Variants in LMNTD1 observed in about 807,000 individuals in gnomAD.
LMNTD1 encodes lamin tail domain containing 1.
LMNTD1 carries 35 observed loss-of-function variants against 50.9 expected under a neutral mutation model. The ratio of observed to expected loss-of-function variants is 0.69; its 90% CI spans 0.53 to 0.91. The LOEUF (loss-of-function observed/expected upper bound fraction) is 0.91, where lower values mean the gene tolerates loss of function less well. Among genes scored for constraint, LMNTD1 ranks in the 40% least tolerant of loss-of-function variants. The pLI is 0.00. For missense variants in LMNTD1, 470 were observed against 475.5 expected (o/e 0.99, Z 0.11); for synonymous variants, 153 against 161.9 (o/e 0.94, Z 0.42).
At chr12:25,510,829 T>C (rs755055444) in intron 8 of LMNTD1, among the ~76,000 whole-genome samples, 9 of 152,214 alleles carry the variant, frequency 5.9e-5, no homozygotes, top group Non-Finnish European at 1.2e-4. Flanking sequence ...CTATGTGTCA[T>C]GTACTGAGTT....
At chr12:25,543,837 C>T (rs1943259325) in intron 4 of LMNTD1, among the ~76,000 whole-genome samples, 1 of 151,872 alleles carries the variant, frequency 6.6e-6, no homozygotes, top group South Asian at 2.1e-4. Flanking sequence ...TCAGTTTCCT[C>T]ACTGATCCAT....
chr12:25,622,325 C>A (rs1172244732), intron 1 of LMNTD1, among the ~76,000 whole-genome samples: 2 of 152,126 alleles, frequency 1.3e-5, no homozygotes, highest in South Asian at 2.1e-4. Flanking sequence ...GCTAACTTCA[C>A]CGTATGACTT....
chr12:25,500,172 A>C (rs1408544339), intron 9 of LMNTD1, among the ~76,000 whole-genome samples: 4 of 152,200 alleles, frequency 2.6e-5, no homozygotes, highest in African/African-American at 9.7e-5. Context: ...GATTGAAGGA[A>C]TATGCCACAA....
chr12:25,547,466 T>C (rs1451785204), intron 3 of LMNTD1: 1 of 151,808 alleles, frequency 6.6e-6, no homozygotes, highest in East Asian at 1.9e-4. Context: ...ATGATAGCTA[T>C]TATTACAGTA....
intron 2 of LMNTD1, among the ~76,000 whole-genome samples, chr12:25,551,536 C>T (rs1047955379): frequency 2.6e-5 from 4 of 152,100 alleles, no homozygotes; most frequent in East Asian, 1.9e-4. Flanking sequence ...ACTACAGGCA[C>T]ATGGCACTAT....
intron 1 of LMNTD1, among the ~76,000 whole-genome samples, chr12:25,624,313 CA>C (rs1946539276): frequency 6.6e-6 from 1 of 152,182 alleles, no homozygotes; most frequent in Admixed American, 6.5e-5. Flanking sequence ...ACAAAGCTAT[CA>C]AACTCTCCTG....
chr12:25,519,586 T>TTTAAAAAAAAAAAAA (rs781742784), intron 7 of LMNTD1, among the ~76,000 whole-genome samples: 7 of 74,952 alleles, frequency 9.3e-5, no homozygotes, highest in Admixed American at 4.6e-4. Flanking sequence ...AGACTCTGTC[T>TTTAAAAAAAAAAAAA]CAAAAAAAAA....
At chr12:25,555,862 A>G (rs1206080714), upstream of LMNTD1, among the ~76,000 whole-genome samples, 1 of 151,994 alleles carries the variant, frequency 6.6e-6, no homozygotes, top group Non-Finnish European at 1.5e-5. Context: ...GGATGCACAG[A>G]CTCAAATGTT....
intron 1 of LMNTD1, among the ~76,000 whole-genome samples, chr12:25,619,456 A>G (rs914532266): frequency 6.6e-6 from 1 of 152,156 alleles, no homozygotes; most frequent in Admixed American, 6.5e-5. Flanking sequence ...ATGCACCATA[A>G]ACAAACTTCA....
At chr12:25,612,324 ACACACG>A (rs1565518988) in intron 1 of LMNTD1, among the ~76,000 whole-genome samples, 2 of 113,050 alleles carry the variant, frequency 1.8e-5, no homozygotes, top group Non-Finnish European at 4.0e-5. Flanking sequence ...ACACACACAC[ACACACG>A]CGCTCCCACT....
At position 25,526,106 on chromosome 12, in the gene LMNTD1, T is replaced by C; in HGVS notation, c.791A>G (p.Asn264Ser). Residue 264 changes from asparagine to serine, a missense_variant, in exon 6 of 10, where the codon AAC (asparagine) becomes AGC (serine). Asn to Ser is a conservative substitution (Grantham distance 46, BLOSUM62 1). Coordinates refer to ENST00000458174, the MANE Select transcript of LMNTD1 (RefSeq NM_001145728.2). Reference protein sequence around the residue: ...PDCITILCKPNGQAIAWYTPI... With the variant: ...PDCITILCKPSGQAIAWYTPI... ...TAAGAACCAGAAACTAACTTGACCGTTCGGTTTGCACAGGATTGTTATACA... is the reference window on the plus strand; with the variant it reads ...TAAGAACCAGAAACTAACTTGACCGCTCGGTTTGCACAGGATTGTTATACA... The C allele has an allele frequency of 6.4e-7, 1 of 1,571,970 alleles. No homozygotes were observed. Among genetic ancestry groups the C allele is most frequent in the Non-Finnish European group, 8.6e-7 (1 of 1,162,604 alleles).
chr12:25,602,955 G>A (rs1390315684), intron 1 of LMNTD1, among the ~76,000 whole-genome samples: 1 of 151,966 alleles, frequency 6.6e-6, no homozygotes, highest in Non-Finnish European at 1.5e-5. Context: ...AACATCTGGA[G>A]TATTGCCAGC....
intron 1 of LMNTD1, among the ~76,000 whole-genome samples, chr12:25,586,486 C>T (rs4963899): frequency 0.17 from 25,220 of 152,080 alleles, 2,482 homozygotes; most frequent in East Asian, 0.33. Context: ...GCCAGTTGTC[C>T]TCCACTTTCA....
intron 9 of LMNTD1, among the ~76,000 whole-genome samples, chr12:25,478,108 C>T (rs1190830174): frequency 6.6e-6 from 1 of 152,102 alleles, no homozygotes; most frequent in Admixed American, 6.5e-5. Context: ...TTGCCTTTCC[C>T]AGCCCACTGA....
intron 9 of LMNTD1, among the ~76,000 whole-genome samples, chr12:25,489,160 T>G (rs913306229): frequency 9.2e-5 from 14 of 152,138 alleles, no homozygotes; most frequent in East Asian, 1.9e-4. Context: ...CTCCACCCAG[T>G]TCGAGCTTCC....
chr12:25,598,935 T>C (rs969750158), intron 1 of LMNTD1, among the ~76,000 whole-genome samples: 1 of 151,910 alleles, frequency 6.6e-6, no homozygotes, highest in Non-Finnish European at 1.5e-5. Flanking sequence ...AAAGAAGAAC[T>C]AAGACCAATC....
At chr12:25,551,902 C>T (rs1357525192) in intron 2 of LMNTD1, among the ~76,000 whole-genome samples, 2 of 152,108 alleles carry the variant, frequency 1.3e-5, no homozygotes, top group Non-Finnish European at 2.9e-5. Flanking sequence ...TCACTCCCTC[C>T]GTAATTGATT....
rs1394785402 is a variant in LMNTD1, at chr12:25,541,591, A to C, written c.491+4783T>G. 8.3e-4 allele frequency among the ~76,000 whole-genome samples: 59 copies of C among 71,112 alleles called. 2 individuals are homozygous for C. Among genetic ancestry groups the C allele is most frequent in the African/African-American group, 2.3e-3 (55 of 24,266 alleles). The allele number at this position is 71,112 out of a possible 152,430, so 46.7% of individuals were successfully genotyped here. ...CAATTCAAGATGGATTAAAGACTTA[A>C]ATGTTAGACCTAAAACCATAAAAAC... is the stretch of plus-strand genomic sequence containing the variant. On this transcript the variant is annotated intron_variant, in intron 4 of 9. Coordinates refer to ENST00000458174, the MANE Select transcript of LMNTD1 (RefSeq NM_001145728.2).
At chr12:25,521,040 G>A (rs758519976) in intron 6 of LMNTD1, among the ~76,000 whole-genome samples, 1 of 152,082 alleles carries the variant, frequency 6.6e-6, no homozygotes, top group African/African-American at 2.4e-5. Context: ...TCTTTTGCCT[G>A]TTTTCTAAAT....
Sources: allele counts gnomAD v4.1 joint callset (sites outside exome capture counted in the v4.1 genomes callset), GRCh38; gene constraint gnomAD v4.1.1; transcripts MANE v1.5; gene names NCBI Gene and HGNC (gene_info 2026-07-23, HGNC 2026-07-21).